FAM53A: variants seen among roughly 807,000 people sequenced by gnomAD.
FAM53A encodes the protein family with sequence similarity 53 member A.
A neutral mutation model predicts 26.6 loss-of-function variants in FAM53A; 28 were observed. The ratio of observed to expected loss-of-function variants is 1.05; its 90% CI spans 0.78 to 1.45. The LOEUF is 1.45. Among genes scored for constraint, FAM53A ranks in the 40% most tolerant of loss-of-function variants. FAM53A has a pLI of 0.00. For synonymous variants in FAM53A, 290 were observed against 253.1 expected (o/e 1.15, Z -1.38); for missense variants, 650 against 575.8 (o/e 1.13, Z -1.32).
chr4:1,673,985 T>C (rs1340515703), intron 1 of FAM53A, among the ~76,000 whole-genome samples: 1 of 152,210 alleles, frequency 6.6e-6, no homozygotes, highest in Admixed American at 6.5e-5. Flanking sequence ...AGGAAGGCGT[T>C]AGTCAGGTCA....
chr4:1,672,831 G>A (rs1204576187), intron 1 of FAM53A, among the ~76,000 whole-genome samples: 1 of 135,092 alleles, frequency 7.4e-6, no homozygotes, highest in Non-Finnish European at 1.5e-5. Flanking sequence ...GTGCAGTGGT[G>A]TGATCTCGGC....
the FAM53A span, among the ~76,000 whole-genome samples, chr4:1,581,274 A>C: frequency 5.5e-5 from 7 of 126,692 alleles, no homozygotes; most frequent in Admixed American, 3.9e-4. Flanking sequence ...TCAGAGCCCC[A>C]CCTCTGCTCA....
At chr4:1,643,241 C>T (rs62286255) in intron 4 of FAM53A, among the ~76,000 whole-genome samples, 32,819 of 152,014 alleles carry the variant, frequency 0.22, 4,227 homozygotes, top group Middle Eastern at 0.3. Flanking sequence ...CCGGGGCGGG[C>T]GGATCACGAG....
chr4:1,604,933 C>T, the FAM53A span, among the ~76,000 whole-genome samples: 2 of 152,140 alleles, frequency 1.3e-5, no homozygotes, highest in African/African-American at 2.4e-5. Context: ...GCCCTGCCCC[C>T]CTCCTGCCCC....
intron 1 of FAM53A, among the ~76,000 whole-genome samples, chr4:1,674,878 C>A (rs1172875142): frequency 6.6e-6 from 1 of 152,150 alleles, no homozygotes; most frequent in Non-Finnish European, 1.5e-5. Context: ...AGTCCCTCCC[C>A]CTTGGCAGTT....
At chr4:1,661,866 C>G (rs111559601) in intron 2 of FAM53A, among the ~76,000 whole-genome samples, 1 of 152,120 alleles carries the variant, frequency 6.6e-6, no homozygotes, top group Non-Finnish European at 1.5e-5. Flanking sequence ...ACACAGAGTG[C>G]ACCTCCATGC....
Position 1,644,388 on chromosome 4 carries a change from G to C in FAM53A, c.883-2781C>G, listed in dbSNP as rs750518232. ...GCTCTGAACGCCTCTGGACGACACA[G>C]TCGGTGCAGGAGAAAAAACTTCTGC... On this transcript the variant is annotated intron_variant, in intron 4 of 4. Coordinates refer to ENST00000308132, the MANE Select transcript of FAM53A (RefSeq NM_001174070.3). 2.6e-6 allele frequency: 4 copies of C among 1,528,812 alleles called. No individual in the cohort carries two copies. In the South Asian group the frequency reaches 4.8e-5, roughly 18 times the overall value. 94.7% of individuals were successfully genotyped at this position (1,528,812 alleles called of 1,614,324 possible).
intron 4 of FAM53A, among the ~76,000 whole-genome samples, chr4:1,649,435 G>T (rs1336910295): frequency 6.6e-6 from 1 of 152,202 alleles, no homozygotes; most frequent in African/African-American, 2.4e-5. Context: ...GGAGAAGAGC[G>T]GTTTTGAAAT....
chr4:1,683,579 T>C (rs181336075), intron 1 of FAM53A: 1 of 152,296 alleles, frequency 6.6e-6, no homozygotes, highest in East Asian at 1.9e-4. Context: ...GGGAGATAGA[T>C]GATCATAGAA....
At chr4:1,678,412 A>T (rs1715186441) in intron 1 of FAM53A, among the ~76,000 whole-genome samples, 1 of 152,216 alleles carries the variant, frequency 6.6e-6, no homozygotes, top group African/African-American at 2.4e-5. Context: ...CAGAACAGAG[A>T]GCCCAGATAT....
chr4:1,641,729 C>T (rs1711740139), intron 4 of FAM53A, 122 bp from the exon 5 acceptor site: 7 of 984,440 alleles, frequency 7.1e-6, no homozygotes, highest in Non-Finnish European at 1.1e-5. Flanking sequence ...CCACACAAAG[C>T]AGGGGCCTTG....
In FAM53A at chr4:1,658,239, C is replaced by G. The variant is rs1228347391; in HGVS notation, c.76-771G>C. The stretch of plus-strand genomic sequence containing the variant: ...GTTTCACCGTGTCAGCCAGGATGGT[C>G]TCGATCTCTTCACCTCGTGATCTTC... On this transcript the variant is annotated intron_variant, in intron 2 of 4. Coordinates refer to ENST00000308132, the MANE Select transcript of FAM53A (RefSeq NM_001174070.3). 5.3e-5 allele frequency among the ~76,000 whole-genome samples: 8 copies of G among 152,130 alleles called. No individual in the cohort carries two copies. The East Asian group carries it at 1.6e-3, about 29-fold the overall frequency.
At chr4:1,625,891 C>G (rs1715277517) in intron 1 of FAM53A, among the ~76,000 whole-genome samples, 1 of 152,226 alleles carries the variant, frequency 6.6e-6, no homozygotes, top group African/African-American at 2.4e-5. Flanking sequence ...GTCTGGGCAG[C>G]CAGGAGCTGT....
chr4:1,577,655 C>A, the FAM53A span, among the ~76,000 whole-genome samples: 58 of 152,348 alleles, frequency 3.8e-4, no homozygotes, highest in African/African-American at 1.1e-3. Flanking sequence ...CCCCCGGTAA[C>A]AATTAACAAT....
chr4:1,590,599 C>G, the FAM53A span, among the ~76,000 whole-genome samples: 73 of 151,992 alleles, frequency 4.8e-4, no homozygotes, highest in Non-Finnish European at 1.3e-4. Flanking sequence ...CATTTCAAGC[C>G]CTGTTGGTGT....
intron 1 of FAM53A, among the ~76,000 whole-genome samples, chr4:1,622,135 G>T (rs1179358359): frequency 6.6e-6 from 1 of 152,162 alleles, no homozygotes; most frequent in Non-Finnish European, 1.5e-5. Flanking sequence ...CCAGAAACTT[G>T]AGCCCGCCGA....
At chr4:1,627,865 C>A (rs1325068884) in intron 1 of FAM53A, among the ~76,000 whole-genome samples, 1 of 151,866 alleles carries the variant, frequency 6.6e-6, no homozygotes, top group Admixed American at 6.6e-5. Flanking sequence ...AGCCTCCCAC[C>A]CACCATGAAG....
intron 1 of FAM53A, among the ~76,000 whole-genome samples, chr4:1,619,720 T>C (rs547126675): frequency 6.0e-4 from 91 of 152,202 alleles, no homozygotes; most frequent in African/African-American, 2.1e-3. Flanking sequence ...CTGCTGTGCA[T>C]TGGAGCTCCA....
At chr4:1,684,636 C>T (rs1715695912), upstream of FAM53A, among the ~76,000 whole-genome samples, 1 of 151,774 alleles carries the variant, frequency 6.6e-6, no homozygotes, top group Admixed American at 6.6e-5. Flanking sequence ...GGCGGCGGGG[C>T]AGGACGCGCA....
Sources: gnomAD v4.1 joint callset for allele counts (sites outside exome capture counted in the v4.1 genomes callset) on GRCh38, gnomAD v4.1.1 for gene constraint, MANE v1.5 for transcripts, NCBI Gene and HGNC (gene_info 2026-07-23, HGNC 2026-07-21) for gene names.